MACROD2: variants seen among roughly 807,000 people sequenced by gnomAD.
MACROD2 encodes the protein mono-ADP ribosylhydrolase 2, also known as ADP-ribose glycohydrolase MACROD2.
MACROD2 carries 36 observed loss-of-function variants against 70.4 expected under a neutral mutation model. That is an observed-to-expected ratio of 0.51 (90% CI 0.39 to 0.68). MACROD2 has a LOEUF of 0.68. Among genes scored for constraint, MACROD2 ranks in the 30% least tolerant of loss-of-function variants. The probability of loss-of-function intolerance (pLI) is 0.00; values close to 1 mark genes in which losing one functional copy is unlikely to be tolerated. For synonymous variants in MACROD2, 172 were observed against 178.8 expected, an observed-to-expected ratio of 0.96 and a Z score of 0.30; for missense variants, 496 against 538.4, an observed-to-expected ratio of 0.92 and a Z score of 0.78.
chr20:14,464,501 A>AT (rs1165238687), intron 3 of MACROD2, among the ~76,000 whole-genome samples: 43 of 152,046 alleles, frequency 2.8e-4, no homozygotes, highest in South Asian at 6.2e-4. Flanking sequence ...GGATTCATTG[A>AT]TTTTTTAAAG....
intron 5 of MACROD2, among the ~76,000 whole-genome samples, chr20:14,724,953 A>T (rs2071510942): frequency 6.6e-6 from 1 of 152,180 alleles, no homozygotes; most frequent in East Asian, 1.9e-4. Context: ...AGGCTACTGC[A>T]ATAGCCCAGA....
Position 14,869,529 on chromosome 20 carries a change from C to T in MACROD2, c.418+184570C>T, listed in dbSNP as rs577891089. On this transcript the variant is annotated intron_variant, in intron 5 of 17. Transcript: ENST00000684519. Reference sequence around the variant, plus strand: ...GATTTTCACCAAAGCCGTGGCGCTGCCTATTCCTGCACAGGAGCAATGGGT... The same window carrying T: ...GATTTTCACCAAAGCCGTGGCGCTGTCTATTCCTGCACAGGAGCAATGGGT... 7.9e-5 allele frequency among the ~76,000 whole-genome samples: 12 copies of T among 152,224 alleles called. No homozygotes were observed. In the South Asian group the frequency reaches 2.5e-3, roughly 32 times the overall value.
chr20:15,691,789 G>C (rs1185843805), intron 8 of MACROD2, among the ~76,000 whole-genome samples: 1 of 152,134 alleles, frequency 6.6e-6, no homozygotes, highest in Admixed American at 6.5e-5. Flanking sequence ...CCTCCCACTG[G>C]CTAAGTTATG....
intron 6 of MACROD2, among the ~76,000 whole-genome samples, chr20:15,292,438 T>C (rs1022024079): frequency 6.6e-6 from 1 of 152,330 alleles, no homozygotes; most frequent in Non-Finnish European, 1.5e-5. Flanking sequence ...CACCCCGTAT[T>C]AGCTTTTGCA....
At chr20:14,910,574 T>G (rs1237497957) in intron 5 of MACROD2, among the ~76,000 whole-genome samples, 1 of 152,202 alleles carries the variant, frequency 6.6e-6, no homozygotes, top group Non-Finnish European at 1.5e-5. Context: ...TAAAGCCTCT[T>G]TTAAACTTAG....
chr20:14,069,104 G>C (rs1298042984), intron 2 of MACROD2, among the ~76,000 whole-genome samples: 1 of 151,936 alleles, frequency 6.6e-6, no homozygotes, highest in African/African-American at 2.4e-5. Context: ...CCCCGCCATC[G>C]TGCTCAGCTA....
intron 7 of MACROD2, among the ~76,000 whole-genome samples, chr20:15,461,271 G>A (rs1419558869): frequency 2.0e-5 from 3 of 152,042 alleles, no homozygotes; most frequent in Middle Eastern, 6.8e-3. Flanking sequence ...TTTACTTTAC[G>A]AGAATGTGTT....
rs73256907 is a variant in MACROD2, at chr20:14,400,961, A to T, written c.272-92518A>T. 3.0e-3 allele frequency among the ~76,000 whole-genome samples: 461 copies of T among 152,316 alleles called. 3 individuals carry two copies. The highest frequency in any genetic ancestry group is 0.011 in the African/African-American group (440 of 41,582). On this transcript the variant is annotated intron_variant, in intron 3 of 17. Coordinates refer to ENST00000684519, the MANE Select transcript of MACROD2 (RefSeq NM_001351661.2). ...GTGTGGTAATGCCATATGATTTGCT[A>T]TAGACTATCATCATTACAGAGATGC...
chr20:14,086,904 A>G (rs1360491745), intron 3 of MACROD2, among the ~76,000 whole-genome samples: 3 of 152,178 alleles, frequency 2.0e-5, no homozygotes, highest in Non-Finnish European at 2.9e-5. Context: ...AAGAATACAG[A>G]GTTCAGGTGA....
intron 4 of MACROD2, among the ~76,000 whole-genome samples, chr20:14,514,625 A>G (rs1355219293): frequency 6.6e-6 from 1 of 152,124 alleles, no homozygotes; most frequent in African/African-American, 2.4e-5. Flanking sequence ...CTTCACTAAT[A>G]CAGGGAAGAA....
intron 3 of MACROD2, among the ~76,000 whole-genome samples, chr20:14,183,310 T>C (rs1246980555): frequency 2.6e-5 from 4 of 151,944 alleles, no homozygotes; most frequent in Non-Finnish European, 5.9e-5. Flanking sequence ...GTTAGTTTGC[T>C]AAGGATAATG....
chr20:15,593,886 A>G (rs1204143065), intron 8 of MACROD2, among the ~76,000 whole-genome samples: 1 of 152,204 alleles, frequency 6.6e-6, no homozygotes, highest in Non-Finnish European at 1.5e-5. Context: ...GGAGGAAGCC[A>G]CTTATTGATG....
intron 4 of MACROD2, among the ~76,000 whole-genome samples, chr20:14,513,162 T>C (rs1252090668): frequency 1.3e-5 from 2 of 152,140 alleles, no homozygotes; most frequent in Non-Finnish European, 2.9e-5. Context: ...CTGTAAGCTT[T>C]TCATCATTTG....
intron 5 of MACROD2, among the ~76,000 whole-genome samples, chr20:15,012,336 A>G (rs1395904778): frequency 6.6e-6 from 1 of 152,150 alleles, no homozygotes; most frequent in Non-Finnish European, 1.5e-5. Context: ...AGTCTACATC[A>G]TGGCTGTTTG....
intron 5 of MACROD2, among the ~76,000 whole-genome samples, chr20:14,746,611 A>G (rs2071803067): frequency 6.6e-6 from 1 of 152,114 alleles, no homozygotes; most frequent in African/African-American, 2.4e-5. Flanking sequence ...ATGCTTAGTT[A>G]TTTGATAAAT....
intron 5 of MACROD2, among the ~76,000 whole-genome samples, chr20:15,136,535 T>C (rs968254007): frequency 6.6e-5 from 10 of 152,220 alleles, no homozygotes; most frequent in African/African-American, 2.4e-4. Flanking sequence ...CTGGATCCCT[T>C]CTTTACACCT....
chr20:15,164,282 T>G (rs2076368148), intron 5 of MACROD2, among the ~76,000 whole-genome samples: 1 of 152,152 alleles, frequency 6.6e-6, no homozygotes, highest in Admixed American at 6.6e-5. Context: ...ATAAGAAATC[T>G]AGAGACGATT....
At chr20:14,956,557 G>A (rs1342938495) in intron 5 of MACROD2, among the ~76,000 whole-genome samples, 1 of 151,950 alleles carries the variant, frequency 6.6e-6, no homozygotes, top group Non-Finnish European at 1.5e-5. Context: ...TTTTTTAGTA[G>A]TTTGCATTGT....
At chr20:15,734,708 A>G (rs1410590828) in intron 8 of MACROD2, among the ~76,000 whole-genome samples, 1 of 152,160 alleles carries the variant, frequency 6.6e-6, no homozygotes, top group Non-Finnish European at 1.5e-5. Flanking sequence ...AATTTCTGGC[A>G]TATGTGTCTA....
Sources: gnomAD v4.1 joint callset for allele counts (sites outside exome capture counted in the v4.1 genomes callset) on GRCh38, gnomAD v4.1.1 for gene constraint, MANE v1.5 for transcripts, NCBI Gene and HGNC (gene_info 2026-07-23, HGNC 2026-07-21) for gene names.